The following C11orf65 variants were observed in gnomAD, a reference collection of about 807,000 sequenced individuals.
C11orf65 encodes protein MFI.
C11orf65 carries 38 observed loss-of-function variants against 35.3 expected under a neutral mutation model. The observed-to-expected ratio is 1.08, with a 90% confidence interval of 0.83 to 1.41. C11orf65 has a LOEUF of 1.41. Among genes scored for constraint, C11orf65 ranks in the 40% most tolerant of loss-of-function variants. The pLI, the probability that C11orf65 is intolerant of heterozygous loss-of-function variation, is 0.00. For synonymous variants in C11orf65, 105 were observed against 114.4 expected, an observed-to-expected ratio of 0.92 and a Z score of 0.53; for missense variants, 370 against 367.1, an observed-to-expected ratio of 1.01 and a Z score of -0.06.
chr11:108,456,789 A>AAAAG lies in C11orf65; in HGVS notation c.81+4686_81+4689dup, dbSNP rs913847776. On this transcript the variant is annotated intron_variant, in intron 2 of 8. Coordinates refer to ENST00000393084, the MANE Select transcript of C11orf65 (RefSeq NM_152587.5). Reference sequence around the variant, plus strand: ...GAAACCCTATCAAAGAAAGAAAAAAAAAAGAAAGAAAGAAAGGAAAGAAGG... The same window carrying AAAAG: ...GAAACCCTATCAAAGAAAGAAAAAAAAAAGAAAGAAAGAAAGAAAGGAAAGAAGG... 1.5e-4 allele frequency among the ~76,000 whole-genome samples: 23 copies of AAAAG among 150,922 alleles called. No individual in the cohort carries two copies. In the East Asian group the frequency reaches 3.5e-3, roughly 23 times the overall value.
intron 6 of C11orf65, among the ~76,000 whole-genome samples, chr11:108,398,003 G>A (rs1205802627): frequency 1.3e-5 from 2 of 152,230 alleles, no homozygotes; most frequent in Non-Finnish European, 2.9e-5. Context: ...AGGTATGTAA[G>A]GGAAGGTTTC....
chr11:108,350,276 A>G (rs17107969), intron 2 of C11orf65, among the ~76,000 whole-genome samples: 3,346 of 152,272 alleles, frequency 0.022, 94 homozygotes, highest in African/African-American at 0.069. Context: ...ACAAGGGGAC[A>G]AGGAGATTTG....
chr11:108,318,379 T>TA (rs1170845124), intron 6 of C11orf65, among the ~76,000 whole-genome samples: 2 of 147,732 alleles, frequency 1.4e-5, no homozygotes, highest in Middle Eastern at 3.8e-3. Context: ...ATAAATAAAA[T>TA]AAAAAAAATA....
intron 2 of C11orf65, among the ~76,000 whole-genome samples, chr11:108,434,740 T>C (rs1260361931): frequency 2.0e-5 from 3 of 152,208 alleles, no homozygotes; most frequent in Middle Eastern, 3.2e-3. Context: ...CTCACTGGAA[T>C]TGACATCTGA....
At chr11:108,415,544 T>C (rs1383793613) in intron 3 of C11orf65, among the ~76,000 whole-genome samples, 1 of 152,174 alleles carries the variant, frequency 6.6e-6, no homozygotes, top group East Asian at 1.9e-4. Context: ...TCTTTCTGGA[T>C]CTATAGATTC....
intron 2 of C11orf65, chr11:108,345,595 C>T: frequency 1.5e-6 from 1 of 650,500 alleles, no homozygotes; most frequent in Non-Finnish European, 2.5e-6. Flanking sequence ...TTAATTGCTT[C>T]CCTGTCCAGA....
intron 2 of C11orf65, among the ~76,000 whole-genome samples, chr11:108,363,064 G>A (rs866233117): frequency 6.6e-6 from 1 of 152,014 alleles, no homozygotes; most frequent in Non-Finnish European, 1.5e-5. Flanking sequence ...AAATCTGTCC[G>A]AATTTCCCCA....
chr11:108,352,496 A>G (rs2089325550), intron 2 of C11orf65, among the ~76,000 whole-genome samples: 1 of 152,184 alleles, frequency 6.6e-6, no homozygotes, highest in Admixed American at 6.5e-5. Context: ...TTAAGAGGAA[A>G]CCTTCAGCAT....
chr11:108,374,086 AACC>A (rs1266726664), intron 2 of C11orf65, among the ~76,000 whole-genome samples: 8 of 152,142 alleles, frequency 5.3e-5, no homozygotes, highest in Admixed American at 2.0e-4. Flanking sequence ...TAGGCTCAGA[AACC>A]TCTGCAGACT....
At position 108,325,367 on chromosome 11, in the gene C11orf65, G is replaced by A. The variant is rs777515589; in HGVS notation, c.641-16296C>T. On this transcript the variant is annotated intron_variant, in intron 6 of 6. Coordinates refer to the C11orf65 transcript ENST00000525729. The stretch of plus-strand genomic sequence containing the variant: ...ATATTAAGTGGCAGAAACACTCCCA[G>A]CTTCTCAAGGACAGTGATTTTAGTT... The A allele has an allele frequency of 9.3e-6, 15 of 1,611,378 alleles. No homozygotes were observed. The highest frequency in any genetic ancestry group is 1.6e-4 in the Middle Eastern group (1 of 6,076).
At position 108,461,467 on chromosome 11, in the gene C11orf65, A is replaced by G. The variant is rs768830085; in HGVS notation, c.81+12T>C. The G allele has an allele frequency of 6.3e-7, 1 of 1,580,856 alleles. No homozygotes were observed. Among genetic ancestry groups the G allele is most frequent in the Non-Finnish European group, 8.6e-7 (1 of 1,157,466 alleles). ...AAAATTATATTTCAATAAAACTTCTAAATAAACTCACAAGGAAACTTTTCC... is the reference window on the plus strand; with the variant it reads ...AAAATTATATTTCAATAAAACTTCTGAATAAACTCACAAGGAAACTTTTCC... On this transcript the variant is annotated intron_variant, in intron 2 of 8. Transcript: ENST00000393084.
At chr11:108,446,308 G>A (rs1420207644) in intron 2 of C11orf65, among the ~76,000 whole-genome samples, 11 of 150,798 alleles carry the variant, frequency 7.3e-5, no homozygotes, top group African/African-American at 2.7e-4. Context: ...CTTGAGAAGA[G>A]CAACTCCAAG....
At chr11:108,441,261 C>T (rs775835786) in intron 2 of C11orf65, among the ~76,000 whole-genome samples, 13 of 152,302 alleles carry the variant, frequency 8.5e-5, no homozygotes, top group East Asian at 5.8e-4. Context: ...AAGGCGGCAG[C>T]GAGGCTGGAG....
intron 3 of C11orf65, among the ~76,000 whole-genome samples, chr11:108,423,847 A>T (rs1449768775): frequency 2.0e-5 from 3 of 152,186 alleles, no homozygotes; most frequent in Non-Finnish European, 1.5e-5. Flanking sequence ...AACAAACAGA[A>T]AGGAATAGCA....
At chr11:108,419,081 G>A (rs1334485948) in intron 3 of C11orf65, among the ~76,000 whole-genome samples, 2 of 152,132 alleles carry the variant, frequency 1.3e-5, no homozygotes, top group Non-Finnish European at 2.9e-5. Flanking sequence ...AACACTCAAT[G>A]TGAAAAAGAA....
At chr11:108,401,522 C>G (rs1218888030) in intron 6 of C11orf65, among the ~76,000 whole-genome samples, 1 of 152,196 alleles carries the variant, frequency 6.6e-6, no homozygotes, top group African/African-American at 2.4e-5. Context: ...GACAGATAAA[C>G]TCAAGTCATA....
rs758128730 is a variant in C11orf65 at position 108,331,994 on chromosome 11, G to A, written c.300-427C>T. The A allele has an allele frequency of 6.2e-7, 1 of 1,613,998 alleles. No homozygotes were observed. The highest frequency in any genetic ancestry group is 1.1e-5 in the South Asian group (1 of 91,076). ...AAACCAGAGGTAGCCAGAAGAAGCA[G>A]AATAACTAAAAATGTGCCTAAACAA... On this transcript the variant is annotated intron_variant, in intron 3 of 3. Coordinates refer to the C11orf65 transcript ENST00000524755.
intron 6 of C11orf65, among the ~76,000 whole-genome samples, chr11:108,317,706 G>A (rs1201764149): frequency 9.7e-5 from 14 of 144,078 alleles, no homozygotes; most frequent in African/African-American, 3.6e-4. Flanking sequence ...TATATAGTGT[G>A]TATGTGTGTA....
chr11:108,362,329 G>T (rs1233487352), intron 2 of C11orf65, among the ~76,000 whole-genome samples: 8 of 151,384 alleles, frequency 5.3e-5, no homozygotes, highest in African/African-American at 1.7e-4. Context: ...GGAGAAATAG[G>T]AACCCTTTTA....
Sources: gnomAD v4.1 joint callset for allele counts (sites outside exome capture counted in the v4.1 genomes callset) on GRCh38, gnomAD v4.1.1 for gene constraint, MANE v1.5 for transcripts, NCBI Gene and HGNC (gene_info 2026-07-23, HGNC 2026-07-21) for gene names.